Variants in TUBB4B observed in about 807,000 individuals in gnomAD.
TUBB4B encodes the protein tubulin beta-4B chain.
A neutral mutation model predicts 34.3 loss-of-function variants in TUBB4B; 7 were observed. The ratio of observed to expected loss-of-function variants is 0.20; its 90% CI spans 0.12 to 0.38. TUBB4B has a LOEUF of 0.38. Among genes scored for constraint, TUBB4B ranks in the 10% least tolerant of loss-of-function variants. The pLI is 1.00. For synonymous variants in TUBB4B, 390 were observed against 250.2 expected, an observed-to-expected ratio of 1.56 and a Z score of -5.27; for missense variants, 178 against 610.9, an observed-to-expected ratio of 0.29 and a Z score of 7.47.
In TUBB4B at chr9:137,243,688, A is replaced by AT; in HGVS notation, c.*134dup. 6.2e-7 allele frequency: 1 copy of AT among 1,614,128 alleles called. No individual in the cohort carries two copies. The highest frequency in any genetic ancestry group is 2.2e-5 in the East Asian group (1 of 44,890). ...ACATCCATGCTGTACAGACACCACC[A>AT]TTAAAGCATTTTCATAGTGTGTGGT... On this transcript the variant is annotated 3_prime_UTR_variant, in exon 4 of 4. Transcript: ENST00000340384.
intron 3 of TUBB4B, 119 bp from the exon 4 acceptor site, chr9:137,242,377 C>A: frequency 7.9e-7 from 1 of 1,265,864 alleles, no homozygotes; most frequent in Non-Finnish European, 1.1e-6. Context: ...TCCGTTTGCT[C>A]TACCTCCAGG....
In TUBB4B at chr9:137,243,563, C is replaced by T. The variant is rs751465043; in HGVS notation, c.*7C>T. The T allele has an allele frequency of 1.9e-6, 3 of 1,613,748 alleles. No individual in the cohort carries two copies. The highest frequency in any genetic ancestry group is 2.2e-5 in the South Asian group (2 of 91,090). ...TGAGGAGGAGGTGGCCTAGAGCCTTCAGTCACTGGGGAAAGCAGGGAAGCA... is the reference window on the plus strand; with the variant it reads ...TGAGGAGGAGGTGGCCTAGAGCCTTTAGTCACTGGGGAAAGCAGGGAAGCA... On this transcript the variant is annotated 3_prime_UTR_variant, in exon 4 of 4. Transcript: ENST00000340384.
chr9:137,242,263 G>C, intron 3 of TUBB4B: 1 of 666,884 alleles, frequency 1.5e-6, no homozygotes, highest in Non-Finnish European at 2.5e-6. Flanking sequence ...TCTGTCCTTG[G>C]GAATTGGCAG....
chr9:137,241,325 A>T lies in TUBB4B; in HGVS notation c.-36A>T. 6.3e-7 allele frequency: 1 copy of T among 1,588,430 alleles called. No homozygotes were observed. The highest frequency in any genetic ancestry group is 8.5e-7 in the Non-Finnish European group (1 of 1,173,592). On this transcript the variant is annotated 5_prime_UTR_variant, in exon 1 of 4. Coordinates refer to ENST00000340384, the MANE Select transcript of TUBB4B (RefSeq NM_006088.6). ...CCCGCTCTTCTGCTGCTGTTTGTCT[A>T]CTTCCTCCTGCTTCCCCGCCGCCGC...
chr9:137,243,568 A>C lies in TUBB4B; in HGVS notation c.*12A>C. The C allele has an allele frequency of 3.1e-6, 5 of 1,613,714 alleles. No homozygotes were observed. The highest frequency in any genetic ancestry group is 4.2e-6 in the Non-Finnish European group (5 of 1,179,736). ...AGGAGGTGGCCTAGAGCCTTCAGTC[A>C]CTGGGGAAAGCAGGGAAGCAGTGTG... On this transcript the variant is annotated 3_prime_UTR_variant, in exon 4 of 4. Coordinates refer to ENST00000340384, the MANE Select transcript of TUBB4B (RefSeq NM_006088.6).
chr9:137,241,870 C>T (rs920012485), intron 2 of TUBB4B, 41 bp downstream of exon 2: 1 of 1,611,474 alleles, frequency 6.2e-7, no homozygotes, highest in African/African-American at 1.3e-5. Context: ...TCCGGGGACC[C>T]CGCGGCCCCT....
Position 137,242,036 on chromosome 9 carries a change from G to C in TUBB4B, c.277+15G>C, listed in dbSNP as rs377627802. 35 of 1,608,472 alleles carry C rather than the reference G, an allele frequency of 2.2e-5. No individual in the cohort carries two copies. The highest frequency in any genetic ancestry group is 2.6e-5 in the Non-Finnish European group (31 of 1,178,736). On this transcript the variant is annotated intron_variant, in intron 3 of 3. Transcript: ENST00000340384. ...CTTCGTTTTCGGTGAGCCGTGGCTG[G>C]GGACTGGGCGGCGGCTCAAAGGTCA...
chr9:137,242,890 C>T lies in TUBB4B; in HGVS notation c.672C>T (p.Asp224=), dbSNP rs1306794908. The change falls in exon 4 of 4, where the codon GAC becomes GAT. Residue 224 remains aspartate, a synonymous_variant. Transcript: ENST00000340384. ...AGCTGACCACGCCCACCTATGGTGA[C>T]CTGAACCACCTGGTGTCTGCTACCA... ...TLKLTTPTYG[D]LNHLVSATMS... 11 of 1,613,262 alleles carry T rather than the reference C, an allele frequency of 6.8e-6. No homozygotes were observed. Among genetic ancestry groups the T allele is most frequent in the East Asian group, 2.2e-5 (1 of 44,890 alleles).
In TUBB4B at chr9:137,241,585, C is replaced by A. The variant is rs1469529024; in HGVS notation, c.58-136C>A. The A allele has an allele frequency of 6.1e-5, 37 of 606,158 alleles. 2 individuals carry two copies. The Middle Eastern group carries it at 7.6e-3, about 124-fold the overall frequency. The allele number at this position is 606,158 out of a possible 1,614,324, so 37.5% of individuals were successfully genotyped here. Reference sequence around the variant, plus strand: ...GCGACCGAAGCCCCCAGGAACCCGGCGGCCAGGGCGCGCGGGGCGGGGGAG... The same window carrying A: ...GCGACCGAAGCCCCCAGGAACCCGGAGGCCAGGGCGCGCGGGGCGGGGGAG... On this transcript the variant is annotated intron_variant, in intron 1 of 3. Coordinates refer to ENST00000340384, the MANE Select transcript of TUBB4B (RefSeq NM_006088.6).
Position 137,241,978 on chromosome 9 carries a change from G to C in TUBB4B, c.234G>C (p.Ser78=). The change falls in exon 3 of 4, where the codon TCG becomes TCC. Residue 78 remains serine, a synonymous_variant. Coordinates refer to ENST00000340384, the MANE Select transcript of TUBB4B (RefSeq NM_006088.6). ...LEPGTMDSVR[S]GPFGQIFRPD... ...CCGGCACCATGGACTCCGTGCGCTC[G>C]GGGCCCTTCGGGCAGATCTTCCGGC... 7.4e-6 allele frequency: 12 copies of C among 1,611,016 alleles called. No homozygotes were observed. The highest frequency in any genetic ancestry group is 1.0e-5 in the Non-Finnish European group (12 of 1,179,746).
Position 137,241,828 on chromosome 9 carries a change from C to T in TUBB4B, c.165C>T (p.Thr55=), listed in dbSNP as rs745606126. 14 of 1,612,226 alleles carry T rather than the reference C, an allele frequency of 8.7e-6. No individual in the cohort carries two copies. The highest frequency in any genetic ancestry group is 2.2e-5 in the South Asian group (2 of 91,082). ...TCAACGTGTACTACAATGAGGCCAC[C>T]GGTGAGGCCCCGGCCCCTTCCCCGA... ...ERINVYYNEA[T]GGKYVPRAVL... is the part of the protein sequence containing the mutation. Residue 55 remains threonine, a splice_region_variant and synonymous_variant, in exon 2 of 4, where the codon ACC becomes ACT. Transcript: ENST00000340384.
In TUBB4B at chr9:137,241,676, G is replaced by A. The variant is rs752999966; in HGVS notation, c.58-45G>A. 5.9e-6 allele frequency: 9 copies of A among 1,525,440 alleles called. No homozygotes were observed. The Admixed American group carries it at 7.6e-5, about 13-fold the overall frequency. The allele number at this position is 1,525,440 out of a possible 1,614,324, so 94.5% of individuals were successfully genotyped here. A position where few individuals can be genotyped will look rare whatever the true frequency, so the allele number is the denominator to read the frequency against. Reference sequence around the variant, plus strand: ...GCTGCCTCCCTGCGCACCGGCCGCGGTGACTCAGCCCCGGCCCGCCCGGGC... The same window carrying A: ...GCTGCCTCCCTGCGCACCGGCCGCGATGACTCAGCCCCGGCCCGCCCGGGC... On this transcript the variant is annotated intron_variant, in intron 1 of 3. Transcript: ENST00000340384.
rs762968754 is a variant in TUBB4B, at chr9:137,243,686, C to A, written c.*130C>A. The A allele has an allele frequency of 2.4e-5, 38 of 1,614,010 alleles. No homozygotes were observed. In the East Asian group the frequency reaches 4.0e-4, roughly 17 times the overall value. ...CCACATCCATGCTGTACAGACACCA[C>A]CATTAAAGCATTTTCATAGTGTGTG... On this transcript the variant is annotated 3_prime_UTR_variant, in exon 4 of 4. Coordinates refer to ENST00000340384, the MANE Select transcript of TUBB4B (RefSeq NM_006088.6).
At position 137,243,277 on chromosome 9, in the gene TUBB4B, C is replaced by T. The variant is rs753584963; in HGVS notation, c.1059C>T (p.Val353=). The change falls in exon 4 of 4, where the codon GTC becomes GTT. Residue 353 remains valine, a synonymous_variant. Coordinates refer to ENST00000340384, the MANE Select transcript of TUBB4B (RefSeq NM_006088.6). The part of the protein sequence containing the change: ...EWIPNNVKTA[V]CDIPPRGLKM... ...TCCCCAACAATGTGAAAACGGCTGT[C>T]TGTGACATCCCACCTCGGGGGCTAA... 8.7e-6 allele frequency: 14 copies of T among 1,613,488 alleles called. No individual in the cohort carries two copies. Among genetic ancestry groups the T allele is most frequent in the African/African-American group, 2.7e-5 (2 of 74,940 alleles).
intron 3 of TUBB4B, 36 bp from the exon 4 acceptor site, chr9:137,242,460 C>G (rs376642181): frequency 2.5e-6 from 4 of 1,597,676 alleles, no homozygotes; most frequent in East Asian, 2.2e-5. Flanking sequence ...GTGCTGTCTA[C>G]CTGGCTGACA....
chr9:137,243,338 A>C lies in TUBB4B; in HGVS notation c.1120A>C (p.Ile374Leu), dbSNP rs753781829. Residue 374 changes from isoleucine to leucine, a missense_variant, in exon 4 of 4, where the codon ATC becomes CTC. Transcript: ENST00000340384. ...CACCTTCATTGGCAACAGCACGGCC[A>C]TCCAGGAGCTGTTCAAGCGCATCTC... Reference protein sequence around the residue: ...SATFIGNSTAIQELFKRISEQ... With the variant: ...SATFIGNSTALQELFKRISEQ... The C allele has an allele frequency of 6.2e-7, 1 of 1,613,596 alleles. No homozygotes were observed. Among genetic ancestry groups the C allele is most frequent in the Non-Finnish European group, 8.5e-7 (1 of 1,180,032 alleles).
At position 137,241,372 on chromosome 9, in the gene TUBB4B, C is replaced by T. The variant is rs572419362; in HGVS notation, c.12C>T (p.Ile4=). The T allele has an allele frequency of 6.8e-4, 1,088 of 1,603,276 alleles. 18 individuals are homozygous for T. The South Asian group carries it at 0.011, about 16-fold the overall frequency. Residue 4 remains isoleucine, a synonymous_variant, in exon 1 of 4, where the codon ATC becomes ATT. Coordinates refer to ENST00000340384, the MANE Select transcript of TUBB4B (RefSeq NM_006088.6). The part of the protein sequence containing the change: MRE[I]VHLQAGQCGN... Reference sequence around the variant, plus strand: ...CCGCCGCCGCCATCATGAGGGAAATCGTGCACTTGCAGGCCGGGCAGTGCG... The same window carrying T: ...CCGCCGCCGCCATCATGAGGGAAATTGTGCACTTGCAGGCCGGGCAGTGCG...
rs1836754896 is a variant in TUBB4B, at chr9:137,241,915, C to T, written c.171C>T (p.Gly57=). 1.2e-6 allele frequency: 2 copies of T among 1,610,938 alleles called. No homozygotes were observed. Among genetic ancestry groups the T allele is most frequent in the African/African-American group, 1.3e-5 (1 of 74,858 alleles). ...GACGCCCTCCCGTCCCCGCAGGCGG[C>T]AAGTACGTGCCCCGCGCCGTGCTCG... The part of the protein sequence containing the change: ...INVYYNEATG[G]KYVPRAVLVD... The change falls in exon 3 of 4, where the codon GGC becomes GGT. Residue 57 remains glycine (G), a synonymous_variant. Transcript: ENST00000340384.
chr9:137,242,485 T>G lies in TUBB4B; in HGVS notation c.278-11T>G, dbSNP rs1414493002. 3 of 1,609,486 alleles carry G rather than the reference T, an allele frequency of 1.9e-6. No individual in the cohort carries two copies. In the African/African-American group the frequency reaches 4.0e-5, roughly 21 times the overall value. On this transcript the variant is annotated splice_polypyrimidine_tract_variant and intron_variant, in intron 3 of 3. Coordinates refer to ENST00000340384, the MANE Select transcript of TUBB4B (RefSeq NM_006088.6). The stretch of plus-strand genomic sequence containing the variant: ...CCTGGCTGACAAATGATTAGCTGTG[T>G]TCTCTCACAGGTCAGAGTGGTGCTG...
Sources: allele counts gnomAD v4.1 joint callset, GRCh38; gene constraint gnomAD v4.1.1; transcripts MANE v1.5; gene names NCBI Gene and HGNC (gene_info 2026-07-23, HGNC 2026-07-21).